The following PALS2 variants were observed in gnomAD, a reference collection of about 807,000 sequenced individuals.
PALS2 encodes the protein protein associated with LIN7 2, MAGUK p55 family member.
A neutral mutation model predicts 61.6 loss-of-function variants in PALS2; 27 were observed. The observed-to-expected ratio is 0.44, with a 90% CI of 0.32 to 0.60. The LOEUF (loss-of-function observed/expected upper bound fraction) is 0.60, where lower values mean the gene tolerates loss of function less well. PALS2 is among the 20% of genes least tolerant of loss of function. The pLI is 0.05. For synonymous variants in PALS2, 236 were observed against 218.6 expected (o/e 1.08, Z -0.70); for missense variants, 554 against 639.4 (o/e 0.87, Z 1.44).
At chr7:24,625,317 AT>A (rs1784695285) in intron 2 of PALS2, among the ~76,000 whole-genome samples, 1 of 152,202 alleles carries the variant, frequency 6.6e-6, no homozygotes. Context: ...TATTTAATTT[AT>A]AGCTTTTGAT....
At chr7:24,574,872 G>C (rs1782587969) in intron 1 of PALS2, among the ~76,000 whole-genome samples, 1 of 152,086 alleles carries the variant, frequency 6.6e-6, no homozygotes, top group Non-Finnish European at 1.5e-5. Context: ...TCCGTATATA[G>C]GTATAGCAAC....
rs1165543275 is a variant in PALS2 at position 24,688,196 on chromosome 7, T to C, written c.*582T>C. The stretch of plus-strand genomic sequence containing the variant: ...ACGTATTTTCATTATTTCGGAGATG[T>C]ATGGCTATCCATTCTAATTTATACA... On this transcript the variant is annotated 3_prime_UTR_variant, in exon 12 of 12. Transcript: ENST00000222644. 1 of 152,254 alleles carries C rather than the reference T, an allele frequency of 6.6e-6. No homozygotes were observed. Among genetic ancestry groups the C allele is most frequent in the African/African-American group, 2.4e-5 (1 of 41,460 alleles). The allele number at this position is 152,254 out of a possible 1,614,324, so 9.4% of individuals were successfully genotyped here. A position where few individuals can be genotyped will look rare whatever the true frequency, so the allele number is the denominator to read the frequency against.
At chr7:24,617,531 T>C (rs1784335599) in intron 1 of PALS2, among the ~76,000 whole-genome samples, 2 of 152,230 alleles carry the variant, frequency 1.3e-5, no homozygotes, top group African/African-American at 4.8e-5. Flanking sequence ...ATGGAGTTGT[T>C]GAAAAAACTT....
At chr7:24,675,380 G>GTT (rs75544975) in intron 9 of PALS2, among the ~76,000 whole-genome samples, 1 of 145,398 alleles carries the variant, frequency 6.9e-6, no homozygotes, top group African/African-American at 2.5e-5. Context: ...TTTTTTTAAG[G>GTT]TTTTTTTTTT....
At chr7:24,668,742 A>G in intron 9 of PALS2, 82 bp downstream of exon 9, 3 of 1,481,392 alleles carry the variant, frequency 2.0e-6, no homozygotes, top group Middle Eastern at 1.7e-4. Context: ...TATTATCATT[A>G]GTTATTGTTA....
intron 1 of PALS2, among the ~76,000 whole-genome samples, chr7:24,600,511 C>T (rs1013246859): frequency 6.6e-6 from 1 of 151,916 alleles, no homozygotes; most frequent in Non-Finnish European, 1.5e-5. Context: ...GATTGTAGGT[C>T]AATAATTTTT....
Position 24,624,605 on chromosome 7 carries a change from C to CTTCTTTTTTTTTTTTTTTT in PALS2, c.117+823_117+824insCTTTTTTTTTTTTTTTTTT, listed in dbSNP as rs1554302487. The stretch of plus-strand genomic sequence containing the variant: ...GAGTGAATTAATGATGCAGATTCTT[C>CTTCTTTTTTTTTTTTTTTT]TTTTTTTTTTTTTTTTTTTGAGAGG... On this transcript the variant is annotated intron_variant, in intron 2 of 11. Transcript: ENST00000222644. Among the ~76,000 whole-genome samples, 18 of 86,356 alleles carry CTTCTTTTTTTTTTTTTTTT rather than the reference C, an allele frequency of 2.1e-4. 4 individuals carry two copies. The East Asian group carries it at 2.2e-3, about 10-fold the overall frequency. The allele number at this position is 86,356 out of a possible 152,430, so 56.7% of individuals were successfully genotyped here. A position where few individuals can be genotyped will look rare whatever the true frequency, so the allele number is the denominator to read the frequency against.
intron 2 of PALS2, among the ~76,000 whole-genome samples, chr7:24,633,469 C>A (rs541875519): frequency 1.7e-5 from 2 of 121,068 alleles, no homozygotes; most frequent in Middle Eastern, 6.3e-3. Flanking sequence ...AAGGTTGCCC[C>A]CCCCCCACCC....
chr7:24,663,806 AT>A, intron 6 of PALS2, 85 bp downstream of exon 6: 1 of 1,436,442 alleles, frequency 7.0e-7, no homozygotes. Context: ...CAGGAAGAAT[AT>A]TAGCATTTGT....
chr7:24,585,943 C>G (rs1051638752), intron 1 of PALS2, among the ~76,000 whole-genome samples: 1 of 152,132 alleles, frequency 6.6e-6, no homozygotes, highest in Non-Finnish European at 1.5e-5. Context: ...TTTTATCATC[C>G]AAACTTGGAG....
chr7:24,605,545 C>T (rs1783868270), intron 1 of PALS2, among the ~76,000 whole-genome samples: 1 of 151,994 alleles, frequency 6.6e-6, no homozygotes, highest in Admixed American at 6.6e-5. Context: ...CATATATCTT[C>T]ATATTTTCTA....
intron 7 of PALS2, 118 bp from the exon 8 acceptor site, chr7:24,665,903 T>A: frequency 9.2e-7 from 1 of 1,088,394 alleles, no homozygotes; most frequent in Non-Finnish European, 1.3e-6. Flanking sequence ...CCACCCTCTT[T>A]TGCTTCCTAG....
chr7:24,663,016 A>G (rs1786819981), intron 5 of PALS2, among the ~76,000 whole-genome samples: 1 of 152,212 alleles, frequency 6.6e-6, no homozygotes, highest in Non-Finnish European at 1.5e-5. Flanking sequence ...AGACTTCTTC[A>G]GTATTTGTCT....
At chr7:24,600,137 C>G (rs951191419) in intron 1 of PALS2, among the ~76,000 whole-genome samples, 3 of 152,248 alleles carry the variant, frequency 2.0e-5, no homozygotes, top group East Asian at 1.9e-4. Flanking sequence ...GTAAGCAGAT[C>G]TATGAACATT....
chr7:24,624,105 G>A, intron 2 of PALS2: 1 of 1,317,148 alleles, frequency 7.6e-7, no homozygotes, highest in South Asian at 1.2e-5. Flanking sequence ...TTTCAACAAT[G>A]GCAAAGTACT....
rs535195185 is a variant in PALS2 at position 24,670,605 on chromosome 7, T to C, written c.1114+1945T>C. Among the ~76,000 whole-genome samples, 9 of 152,366 alleles carry C rather than the reference T, an allele frequency of 5.9e-5. No homozygotes were observed. The East Asian group carries it at 1.7e-3, about 29-fold the overall frequency. ...GTATATTTTCTGCCCTTTATTTGACTAATTAGCAGAGAATAGAATTCTGGA... is the reference window on the plus strand; with the variant it reads ...GTATATTTTCTGCCCTTTATTTGACCAATTAGCAGAGAATAGAATTCTGGA... On this transcript the variant is annotated intron_variant, in intron 9 of 11. Transcript: ENST00000222644.
intron 1 of PALS2, among the ~76,000 whole-genome samples, chr7:24,612,889 C>G (rs1038713249): frequency 2.6e-5 from 4 of 151,744 alleles, no homozygotes; most frequent in Non-Finnish European, 5.9e-5. Flanking sequence ...TAGTCCCTGA[C>G]TTAATAGTAA....
At chr7:24,614,223 C>G (rs191606347) in intron 1 of PALS2, among the ~76,000 whole-genome samples, 198 of 151,732 alleles carry the variant, frequency 1.3e-3, no homozygotes, top group African/African-American at 4.5e-3. Context: ...AAAAGAGTTC[C>G]TTTTTCTCCA....
Position 24,668,543 on chromosome 7 carries a change from A to T in PALS2, c.997A>T (p.Met333Leu). 1 of 1,613,642 alleles carries T rather than the reference A, an allele frequency of 6.2e-7. No homozygotes were observed. Among genetic ancestry groups the T allele is most frequent in the Non-Finnish European group, 8.5e-7 (1 of 1,179,668 alleles). ...CCAGATATATGAGGAGGTAGCCAAAATGCCTCCCTTCCAGAGAAAAACATT... is the reference window on the plus strand; with the variant it reads ...CCAGATATATGAGGAGGTAGCCAAATTGCCTCCCTTCCAGAGAAAAACATT... ...EIQIYEEVAKMPPFQRKTLVL... is the reference protein window; with the variant it reads ...EIQIYEEVAKLPPFQRKTLVL... Residue 333 changes from methionine to leucine, a missense_variant, in exon 9 of 12, where the codon ATG (methionine) becomes TTG (leucine). Coordinates refer to ENST00000222644, the MANE Select transcript of PALS2 (RefSeq NM_001303037.2).
Sources: gnomAD v4.1 joint callset for allele counts (sites outside exome capture counted in the v4.1 genomes callset) on GRCh38, gnomAD v4.1.1 for gene constraint, MANE v1.5 for transcripts, NCBI Gene and HGNC (gene_info 2026-07-23, HGNC 2026-07-21) for gene names.